CNNM2: variants seen among roughly 807,000 people sequenced by gnomAD.
CNNM2 encodes metal transporter CNNM2.
A neutral mutation model predicts 66.9 loss-of-function variants in CNNM2; 12 were observed. That is an observed-to-expected ratio of 0.18 (90% CI 0.11 to 0.29). The LOEUF (loss-of-function observed/expected upper bound fraction) is 0.29. Among genes scored for constraint, CNNM2 ranks in the 10% least tolerant of loss-of-function variants. The pLI, the probability that CNNM2 is intolerant of heterozygous loss-of-function variation, is 1.00. For missense variants in CNNM2, 705 were observed against 1,167.7 expected, an observed-to-expected ratio of 0.60 and a Z score of 5.77; for synonymous variants, 557 against 501.8, an observed-to-expected ratio of 1.11 and a Z score of -1.47.
At chr10:102,926,901 T>C (rs1432406871) in intron 1 of CNNM2, among the ~76,000 whole-genome samples, 2 of 151,870 alleles carry the variant, frequency 1.3e-5, no homozygotes, top group African/African-American at 4.8e-5. Flanking sequence ...GTATTTTTAG[T>C]AGAAACGAGG....
chr10:102,933,110 C>A (rs901237041), intron 1 of CNNM2, among the ~76,000 whole-genome samples: 3 of 152,188 alleles, frequency 2.0e-5, no homozygotes, highest in Middle Eastern at 3.4e-3. Context: ...TTTTGGCTGT[C>A]AGGATTCCTT....
intron 2 of CNNM2, among the ~76,000 whole-genome samples, chr10:103,051,243 C>CA (rs1164879339): frequency 6.6e-6 from 1 of 151,672 alleles, no homozygotes; most frequent in Non-Finnish European, 1.5e-5. Context: ...CCATCCTGGC[C>CA]AACATGGTGA....
At chr10:103,062,597 GA>G (rs1200381330) in intron 4 of CNNM2, among the ~76,000 whole-genome samples, 5 of 152,150 alleles carry the variant, frequency 3.3e-5, no homozygotes, top group African/African-American at 1.2e-4. Context: ...ACTATCAAAT[GA>G]ATAAATTCTC....
Position 103,089,752 on chromosome 10 carries a change from G to T in CNNM2, c.*12572G>T, listed in dbSNP as rs1052439538. 1 of 1,613,972 alleles carries T rather than the reference G, an allele frequency of 6.2e-7. No individual in the cohort carries two copies. The highest frequency in any genetic ancestry group is 1.7e-5 in the Admixed American group (1 of 60,010). On this transcript the variant is annotated 3_prime_UTR_variant, in exon 8 of 8. Transcript: ENST00000369878. The stretch of plus-strand genomic sequence containing the variant: ...ATTTCCTGGGGGGCCAGTGGGAAGA[G>T]GTTGGGAGGTTTAATCTCACTAATT...
At chr10:103,062,107 A>T (rs955965160) in intron 4 of CNNM2, among the ~76,000 whole-genome samples, 8 of 152,246 alleles carry the variant, frequency 5.3e-5, no homozygotes, top group Non-Finnish European at 1.0e-4. Context: ...TAGTAGAAAC[A>T]GTTCACGTCT....
intron 1 of CNNM2, among the ~76,000 whole-genome samples, chr10:103,021,995 A>AG (rs2064591842): frequency 6.6e-6 from 1 of 152,130 alleles, no homozygotes; most frequent in Non-Finnish European, 1.5e-5. Context: ...GGTCAGAGAG[A>AG]GTTCTGTTCA....
At chr10:102,927,301 G>GT (rs1436588140) in intron 1 of CNNM2, 1 of 1,611,762 alleles carries the variant, frequency 6.2e-7, no homozygotes, top group Non-Finnish European at 8.5e-7. Flanking sequence ...ATTGAATACA[G>GT]TTTTTTAAAG....
chr10:103,065,023 A>AG (rs1438475319), intron 4 of CNNM2, among the ~76,000 whole-genome samples: 1 of 152,174 alleles, frequency 6.6e-6, no homozygotes, highest in Non-Finnish European at 1.5e-5. Flanking sequence ...AATCTCAACT[A>AG]GATGGAGTCC....
At chr10:102,950,832 T>C (rs544136171) in intron 1 of CNNM2, among the ~76,000 whole-genome samples, 3 of 152,268 alleles carry the variant, frequency 2.0e-5, no homozygotes, top group Non-Finnish European at 4.4e-5. Context: ...AAGCAAGAAT[T>C]GCAAGATAAA....
rs1482925851 is a variant in CNNM2 at position 103,090,023 on chromosome 10, C to T, written c.*12843C>T. 11 of 711,262 alleles carry T rather than the reference C, an allele frequency of 1.5e-5. No homozygotes were observed. The highest frequency in any genetic ancestry group is 2.5e-5 in the Non-Finnish European group (11 of 445,622). 44.1% of individuals were successfully genotyped at this position (711,262 alleles called of 1,614,324 possible). On this transcript the variant is annotated 3_prime_UTR_variant, in exon 8 of 8. Coordinates refer to ENST00000369878, the MANE Select transcript of CNNM2 (RefSeq NM_017649.5). ...ATGCAATTACATCTATAATGGACCACAGGACAAGTCAATATAGACTTATCT... is the reference window on the plus strand; with the variant it reads ...ATGCAATTACATCTATAATGGACCATAGGACAAGTCAATATAGACTTATCT...
At chr10:103,052,044 A>G (rs1357888948) in intron 2 of CNNM2, among the ~76,000 whole-genome samples, 1 of 152,032 alleles carries the variant, frequency 6.6e-6, no homozygotes, top group Non-Finnish European at 1.5e-5. Flanking sequence ...TGGGAGGGCG[A>G]GGCAGGCGGA....
rs2065740643 is a variant in CNNM2 at position 103,079,927 on chromosome 10, G to A, written c.*2747G>A. 6.6e-6 allele frequency: 1 copy of A among 152,174 alleles called. No individual in the cohort carries two copies. Among genetic ancestry groups the A allele is most frequent in the South Asian group, 2.1e-4 (1 of 4,818 alleles). The allele number at this position is 152,174 out of a possible 1,614,324, so 9.4% of individuals were successfully genotyped here. A position where few individuals can be genotyped will look rare whatever the true frequency, so the allele number is the denominator to read the frequency against. ...AAACCAACCTCTCAGATGGTTGGAGGAGAAACACTGGGCTGTTGCTTCTTT... is the reference window on the plus strand; with the variant it reads ...AAACCAACCTCTCAGATGGTTGGAGAAGAAACACTGGGCTGTTGCTTCTTT... On this transcript the variant is annotated 3_prime_UTR_variant, in exon 8 of 8. Coordinates refer to ENST00000369878, the MANE Select transcript of CNNM2 (RefSeq NM_017649.5).
At chr10:103,066,833 G>A (rs2065487033) in intron 4 of CNNM2, among the ~76,000 whole-genome samples, 1 of 152,194 alleles carries the variant, frequency 6.6e-6, no homozygotes, top group Admixed American at 6.5e-5. Flanking sequence ...TGTCATCTCC[G>A]ACTCCACAGT....
rs531347090 is a variant in CNNM2, at chr10:102,951,087, A to C, written c.1621+30986A>C. ...ACTGCAACCTCTGCCTCTTGGATTC[A>C]AGCAATTCTCCTGCCTCAACCTCCC... On this transcript the variant is annotated intron_variant, in intron 1 of 7. Coordinates refer to ENST00000369878, the MANE Select transcript of CNNM2 (RefSeq NM_017649.5). Among the ~76,000 whole-genome samples, 4 of 148,126 alleles carry C rather than the reference A, an allele frequency of 2.7e-5. No homozygotes were observed. In the South Asian group the frequency reaches 8.4e-4, roughly 31 times the overall value.
intron 1 of CNNM2, among the ~76,000 whole-genome samples, chr10:103,016,831 A>T (rs1046048753): frequency 2.0e-5 from 3 of 151,900 alleles, no homozygotes; most frequent in African/African-American, 7.3e-5. Context: ...CCTGGGTGTT[A>T]CTCCTCAGAC....
chr10:103,009,102 C>A lies in CNNM2; in HGVS notation c.1622-40605C>A, dbSNP rs557670719. Among the ~76,000 whole-genome samples, 10 of 152,192 alleles carry A rather than the reference C, an allele frequency of 6.6e-5. No homozygotes were observed. The South Asian group carries it at 1.7e-3, about 25-fold the overall frequency. The stretch of plus-strand genomic sequence containing the variant: ...GACCAGCCTGACCAACATGGAGAAA[C>A]CCTGTCTCTACTAAAAATACAAAAG... On this transcript the variant is annotated intron_variant, in intron 1 of 7. Coordinates refer to ENST00000369878, the MANE Select transcript of CNNM2 (RefSeq NM_017649.5).
chr10:103,079,097 C>A lies in CNNM2; in HGVS notation c.*1917C>A, dbSNP rs2065731286. ...GCAACCTGCCCCCGTGGGATGAAGC[C>A]CCACCGCGTAGCTTGACCTTAGAGG... On this transcript the variant is annotated 3_prime_UTR_variant, in exon 8 of 8. Coordinates refer to ENST00000369878, the MANE Select transcript of CNNM2 (RefSeq NM_017649.5). The A allele has an allele frequency of 6.6e-6, 1 of 152,132 alleles. No individual in the cohort carries two copies. The highest frequency in any genetic ancestry group is 1.5e-5 in the Non-Finnish European group (1 of 68,056). The allele number at this position is 152,132 out of a possible 1,614,324, so 9.4% of individuals were successfully genotyped here.
intron 1 of CNNM2, among the ~76,000 whole-genome samples, chr10:103,001,075 G>A (rs1034285869): frequency 6.6e-5 from 10 of 152,164 alleles, no homozygotes; most frequent in Non-Finnish European, 1.2e-4. Flanking sequence ...AGTGAAATAA[G>A]CCGGTCACAA....
chr10:102,928,561 A>C (rs962502260), intron 1 of CNNM2, among the ~76,000 whole-genome samples: 3 of 149,842 alleles, frequency 2.0e-5, no homozygotes, highest in African/African-American at 2.5e-5. Context: ...CAGCCTGGGC[A>C]ACAAGAGTGA....
Sources: allele counts gnomAD v4.1 joint callset (sites outside exome capture counted in the v4.1 genomes callset), GRCh38; gene constraint gnomAD v4.1.1; transcripts MANE v1.5; gene names NCBI Gene and HGNC (gene_info 2026-07-23, HGNC 2026-07-21).